FHIT: variants seen among roughly 807,000 people sequenced by gnomAD.
FHIT encodes the protein fragile histidine triad diadenosine triphosphatase, also known as bis(5'-adenosyl)-triphosphatase.
A neutral mutation model predicts 17.9 loss-of-function variants in FHIT; 19 were observed. The ratio of observed to expected loss-of-function variants is 1.06; its 90% CI spans 0.74 to 1.56. The LOEUF (loss-of-function observed/expected upper bound fraction) is 1.56. Among genes scored for constraint, FHIT ranks in the 40% most tolerant of loss-of-function variants. The pLI, the probability that FHIT is intolerant of heterozygous loss-of-function variation, is 0.00. For missense variants in FHIT, 248 were observed against 189.2 expected, an observed-to-expected ratio of 1.31 and a Z score of -1.82; for synonymous variants, 81 against 69.7, an observed-to-expected ratio of 1.16 and a Z score of -0.81.
intron 5 of FHIT, among the ~76,000 whole-genome samples, chr3:60,368,783 A>G (rs1700210088): frequency 6.6e-6 from 1 of 152,122 alleles, no homozygotes; most frequent in South Asian, 2.1e-4. Flanking sequence ...AATTTGTTAT[A>G]GAACTTCTAC....
Position 59,853,564 on chromosome 3 carries a change from T to G in FHIT, c.348+68782A>C, listed in dbSNP as rs1182171418. ...ATATGAAACTGGAAGCTTATCTAAA[T>G]GAACTAATTCTTTAATATCACCATG... On this transcript the variant is annotated intron_variant, in intron 8 of 9. Coordinates refer to ENST00000492590, the MANE Select transcript of FHIT (RefSeq NM_002012.4). 2.6e-5 allele frequency among the ~76,000 whole-genome samples: 4 copies of G among 152,204 alleles called. No individual in the cohort carries two copies. The East Asian group carries it at 7.7e-4, about 29-fold the overall frequency.
intron 5 of FHIT, among the ~76,000 whole-genome samples, chr3:60,470,427 G>T (rs1237609512): frequency 1.3e-5 from 2 of 151,964 alleles, no homozygotes; most frequent in Non-Finnish European, 2.9e-5. Context: ...CAAACCATAA[G>T]ACAAAGTCCT....
chr3:60,168,821 C>T (rs76991586), intron 5 of FHIT, among the ~76,000 whole-genome samples: 301 of 152,298 alleles, frequency 2.0e-3, no homozygotes, highest in African/African-American at 6.9e-3. Flanking sequence ...CTTTCTGCCA[C>T]AGCAGTCAAG....
At chr3:61,122,872 T>C (rs1368705658) in intron 2 of FHIT, among the ~76,000 whole-genome samples, 1 of 152,166 alleles carries the variant, frequency 6.6e-6, no homozygotes, top group Non-Finnish European at 1.5e-5. Context: ...GGAGAGGATG[T>C]GGAGAAATAG....
chr3:60,439,563 ATC>A lies in FHIT; in HGVS notation c.103+97295_103+97296del, dbSNP rs1559913943. On this transcript the variant is annotated intron_variant, in intron 5 of 9. Transcript: ENST00000492590. ...GATCAGATGGATGACATCCTGAGTC[ATC>A]AGTCAGTGATTCCTGGTCTCAGTCA... is the stretch of plus-strand genomic sequence containing the variant. 5.4e-3 allele frequency among the ~76,000 whole-genome samples: 814 copies of A among 152,138 alleles called. 9 individuals carry two copies. The highest frequency in any genetic ancestry group is 0.019 in the African/African-American group (784 of 41,542).
chr3:59,769,792 C>T lies in FHIT; in HGVS notation c.349-17471G>A, dbSNP rs1164297793. ...TAATTACTTTGGTTTCAAAATTTCC[C>T]CTCAGATAAACCCATTCTGCTATTT... On this transcript the variant is annotated intron_variant, in intron 8 of 9. Transcript: ENST00000492590. Among the ~76,000 whole-genome samples, 3 of 151,532 alleles carry T rather than the reference C, an allele frequency of 2.0e-5. No homozygotes were observed. The East Asian group carries it at 5.8e-4, about 29-fold the overall frequency.
At chr3:60,456,417 T>C (rs1365057107) in intron 5 of FHIT, among the ~76,000 whole-genome samples, 2 of 152,170 alleles carry the variant, frequency 1.3e-5, no homozygotes, top group Non-Finnish European at 2.9e-5. Flanking sequence ...TCAGACATAA[T>C]TGTCACTTCT....
At chr3:60,139,446 G>A (rs140764914) in intron 5 of FHIT, among the ~76,000 whole-genome samples, 4 of 152,294 alleles carry the variant, frequency 2.6e-5, no homozygotes, top group African/African-American at 9.6e-5. Flanking sequence ...GGATATAGCT[G>A]GAGAGGCAAG....
At chr3:61,161,330 T>C (rs973540027) in intron 2 of FHIT, among the ~76,000 whole-genome samples, 20 of 152,132 alleles carry the variant, frequency 1.3e-4, no homozygotes, top group Non-Finnish European at 2.9e-5. Flanking sequence ...GCCTCCCAGG[T>C]AGCTGGGACT....
intron 5 of FHIT, among the ~76,000 whole-genome samples, chr3:60,263,724 T>C (rs1268136814): frequency 3.3e-5 from 5 of 151,954 alleles, no homozygotes; most frequent in Non-Finnish European, 7.4e-5. Flanking sequence ...TTGATGACAG[T>C]ATTCTACAGT....
intron 8 of FHIT, among the ~76,000 whole-genome samples, chr3:59,910,117 G>A (rs927743086): frequency 6.6e-6 from 1 of 152,188 alleles, no homozygotes; most frequent in South Asian, 2.1e-4. Context: ...ATGTGCCCAA[G>A]GTGATCAGAG....
chr3:59,986,540 T>TACACAC (rs1315976727), intron 7 of FHIT, among the ~76,000 whole-genome samples: 138 of 12,386 alleles, frequency 0.011, 2 homozygotes, highest in African/African-American at 0.043. Context: ...TATATATATA[T>TACACAC]ACACACACAC....
At chr3:60,820,077 G>A (rs1701874894) in intron 4 of FHIT, among the ~76,000 whole-genome samples, 1 of 152,136 alleles carries the variant, frequency 6.6e-6, no homozygotes, top group East Asian at 1.9e-4. Flanking sequence ...GGTGGCTGAG[G>A]TGGGTGGATC....
chr3:59,954,976 A>G (rs1042062495), intron 7 of FHIT, among the ~76,000 whole-genome samples: 11 of 152,312 alleles, frequency 7.2e-5, no homozygotes, highest in Non-Finnish European at 1.5e-4. Context: ...ACTGTTTGCT[A>G]GTTTTCTGTG....
chr3:60,191,989 G>A (rs1250393867), intron 5 of FHIT, among the ~76,000 whole-genome samples: 2 of 152,092 alleles, frequency 1.3e-5, no homozygotes, highest in Non-Finnish European at 2.9e-5. Context: ...GCTCACACCT[G>A]TAATCCCAGC....
intron 4 of FHIT, among the ~76,000 whole-genome samples, chr3:60,714,435 G>A (rs1334447710): frequency 6.6e-6 from 1 of 152,136 alleles, no homozygotes; most frequent in East Asian, 1.9e-4. Flanking sequence ...TCTGGCCAGG[G>A]CAATTAGGCA....
intron 3 of FHIT, among the ~76,000 whole-genome samples, chr3:60,841,737 G>C (rs782588470): frequency 6.6e-6 from 1 of 152,132 alleles, no homozygotes; most frequent in Non-Finnish European, 1.5e-5. Context: ...CAGTCTGAAT[G>C]CCTAAGGGAA....
At chr3:60,511,333 C>G (rs534262081) in intron 5 of FHIT, among the ~76,000 whole-genome samples, 12 of 152,060 alleles carry the variant, frequency 7.9e-5, no homozygotes, top group Non-Finnish European at 2.9e-5. Flanking sequence ...CAGAAATGGT[C>G]GACACCCTTC....
chr3:60,651,829 A>T (rs1464638259), intron 4 of FHIT, among the ~76,000 whole-genome samples: 5 of 152,226 alleles, frequency 3.3e-5, no homozygotes, highest in Admixed American at 6.5e-5. Context: ...TATAAAAATC[A>T]CAAACTCTGT....
Sources: gnomAD v4.1 joint callset for allele counts (sites outside exome capture counted in the v4.1 genomes callset) on GRCh38, gnomAD v4.1.1 for gene constraint, MANE v1.5 for transcripts, NCBI Gene and HGNC (gene_info 2026-07-23, HGNC 2026-07-21) for gene names.